Variants in BCL2L13 observed in about 807,000 individuals in gnomAD.
The protein encoded by BCL2L13 is BCL2 like 13.
BCL2L13 carries 13 observed loss-of-function variants against 25.8 expected under a neutral mutation model. The ratio of observed to expected loss-of-function variants is 0.50; its 90% CI spans 0.33 to 0.80. The LOEUF (loss-of-function observed/expected upper bound fraction) is 0.80, where lower values mean the gene tolerates loss of function less well. Among genes scored for constraint, BCL2L13 ranks in the 30% least tolerant of loss-of-function variants. BCL2L13 has a pLI of 0.02. For synonymous variants in BCL2L13, 244 were observed against 230.3 expected, an observed-to-expected ratio of 1.06 and a Z score of -0.54; for missense variants, 504 against 574.9, an observed-to-expected ratio of 0.88 and a Z score of 1.26.
chr22:17,721,805 C>T (rs772067067), intron 6 of BCL2L13, among the ~76,000 whole-genome samples: 12 of 152,092 alleles, frequency 7.9e-5, no homozygotes, highest in Admixed American at 6.5e-5. Flanking sequence ...GGATTACAGG[C>T]GTGAGCCACC....
chr22:17,699,220 C>T (rs1430391334), intron 5 of BCL2L13, among the ~76,000 whole-genome samples: 1 of 152,084 alleles, frequency 6.6e-6, no homozygotes, highest in Non-Finnish European at 1.5e-5. Flanking sequence ...GAATTCAGTA[C>T]AGATAAAATT....
At chr22:17,646,955 A>ATATATATATATTT (rs768488873) in intron 1 of BCL2L13, among the ~76,000 whole-genome samples, 1 of 22,188 alleles carries the variant, frequency 4.5e-5, no homozygotes, top group Non-Finnish European at 7.7e-5. Flanking sequence ...ATATATATAT[A>ATATATATATATTT]TTTTTTTTTT....
chr22:17,642,567 A>T lies in BCL2L13; in HGVS notation c.-51+3681A>T, dbSNP rs192006061. Among the ~76,000 whole-genome samples the T allele has an allele frequency of 1.7e-3, 259 of 151,634 alleles. 7 individuals carry two copies. The highest frequency in any genetic ancestry group is 9.1e-4 in the Non-Finnish European group (62 of 67,928). On this transcript the variant is annotated intron_variant, in intron 1 of 6. Coordinates refer to ENST00000317582, the MANE Select transcript of BCL2L13 (RefSeq NM_015367.4). ...CTGCATTCTATTCCATTGTGTGGAC[A>T]TACCACATTTTAAAAATAAGTTGAT...
At chr22:17,648,025 G>C (rs2058554421) in intron 1 of BCL2L13, among the ~76,000 whole-genome samples, 1 of 151,990 alleles carries the variant, frequency 6.6e-6, no homozygotes. Context: ...AGCTGCTTGG[G>C]AGGCTGAGGT....
intron 6 of BCL2L13, among the ~76,000 whole-genome samples, chr22:17,710,674 A>G (rs1177023012): frequency 6.6e-6 from 1 of 152,044 alleles, no homozygotes; most frequent in Non-Finnish European, 1.5e-5. Context: ...CAGGAGATCG[A>G]GACCATCCTG....
intron 6 of BCL2L13, among the ~76,000 whole-genome samples, chr22:17,704,488 A>G (rs1432732928): frequency 6.6e-6 from 1 of 151,924 alleles, no homozygotes; most frequent in Non-Finnish European, 1.5e-5. Context: ...TAAAACTAAG[A>G]TATTAGGCCG....
intron 5 of BCL2L13, among the ~76,000 whole-genome samples, chr22:17,696,427 C>T (rs1432135615): frequency 6.6e-6 from 1 of 152,122 alleles, no homozygotes; most frequent in Non-Finnish European, 1.5e-5. Flanking sequence ...TGGCCCCTTC[C>T]TTTCTGTCCC....
intron 6 of BCL2L13, among the ~76,000 whole-genome samples, chr22:17,719,479 A>G (rs1444065648): frequency 2.0e-5 from 3 of 152,334 alleles, no homozygotes; most frequent in South Asian, 4.1e-4. Context: ...ATTTATAACA[A>G]CACTATTCTA....
At chr22:17,656,332 A>ATTTTTTTTTTTTTTTTTTT (rs1568935138) in intron 2 of BCL2L13, among the ~76,000 whole-genome samples, 3 of 70,474 alleles carry the variant, frequency 4.3e-5, no homozygotes, top group Admixed American at 1.7e-4. Flanking sequence ...TTTTCATTTT[A>ATTTTTTTTTTTTTTTTTTT]TTCTTTTTTT....
chr22:17,685,897 G>C (rs2059923211), intron 3 of BCL2L13, among the ~76,000 whole-genome samples: 1 of 145,646 alleles, frequency 6.9e-6, no homozygotes, highest in South Asian at 2.2e-4. Context: ...TCAGCCTCCT[G>C]AGTAGCTGGA....
chr22:17,641,670 A>G (rs1053977619), intron 1 of BCL2L13, among the ~76,000 whole-genome samples: 3 of 152,084 alleles, frequency 2.0e-5, no homozygotes, highest in African/African-American at 7.2e-5. Flanking sequence ...AGAGACTCCC[A>G]TACCCATTAG....
intron 6 of BCL2L13, among the ~76,000 whole-genome samples, chr22:17,725,975 G>T (rs576092853): frequency 4.0e-4 from 61 of 151,710 alleles, no homozygotes; most frequent in Non-Finnish European, 6.0e-4. Flanking sequence ...GCAGATTTTT[G>T]ACTGTGTTTT....
At chr22:17,657,005 G>A (rs973875554) in intron 2 of BCL2L13, among the ~76,000 whole-genome samples, 2 of 152,096 alleles carry the variant, frequency 1.3e-5, no homozygotes, top group Non-Finnish European at 2.9e-5. Flanking sequence ...TTTTAGTAGA[G>A]ACGGGGTTTC....
chr22:17,683,400 C>T (rs1013999221), intron 3 of BCL2L13, 79 bp downstream of exon 3: 19 of 808,312 alleles, frequency 2.4e-5, no homozygotes, highest in Non-Finnish European at 3.7e-5. Context: ...TTGATTTTTA[C>T]AGTGGGGTAT....
chr22:17,713,225 A>G (rs1678172591), intron 6 of BCL2L13, among the ~76,000 whole-genome samples: 3 of 152,090 alleles, frequency 2.0e-5, no homozygotes, highest in African/African-American at 7.2e-5. Flanking sequence ...ATAATCTTAC[A>G]TTTCTCTCTT....
At chr22:17,726,525 C>G in intron 6 of BCL2L13, 152 bp from the exon 7 acceptor site, 1 of 895,720 alleles carries the variant, frequency 1.1e-6, no homozygotes, top group Non-Finnish European at 1.7e-6. Context: ...CATTGGCCTA[C>G]AAATACATGC....
chr22:17,637,967 C>T (rs1471637728), upstream of BCL2L13: 1 of 152,270 alleles, frequency 6.6e-6, no homozygotes, highest in Non-Finnish European at 1.5e-5. Flanking sequence ...GCAGTCACTC[C>T]CCATCAGGAT....
intron 6 of BCL2L13, chr22:17,706,675 C>A: frequency 7.6e-7 from 1 of 1,322,202 alleles, no homozygotes. Flanking sequence ...TGCCCTGCAG[C>A]CCGGTGAGGG....
chr22:17,648,612 CAA>C (rs1398262821), intron 1 of BCL2L13, among the ~76,000 whole-genome samples: 1 of 151,652 alleles, frequency 6.6e-6, no homozygotes, highest in Non-Finnish European at 1.5e-5. Context: ...ACCAGAATAA[CAA>C]ATATGCATTT....
Sources: gnomAD v4.1 joint callset for allele counts (sites outside exome capture counted in the v4.1 genomes callset) on GRCh38, gnomAD v4.1.1 for gene constraint, MANE v1.5 for transcripts, NCBI Gene and HGNC (gene_info 2026-07-23, HGNC 2026-07-21) for gene names.